TMEM170A: variants seen among roughly 807,000 people sequenced by gnomAD.
The protein encoded by TMEM170A is transmembrane protein 170A.
A neutral mutation model predicts 12.8 loss-of-function variants in TMEM170A; 18 were observed. That is an observed-to-expected ratio of 1.41 (90% CI 0.97 to 2.09). TMEM170A has a LOEUF of 2.09. TMEM170A is among the 30% of genes most tolerant of loss of function. The pLI is 0.00. For synonymous variants in TMEM170A, 107 were observed against 76.2 expected, an observed-to-expected ratio of 1.40 and a Z score of -2.11; for missense variants, 220 against 179.9, an observed-to-expected ratio of 1.22 and a Z score of -1.28.
At chr16:75,456,934 G>A (rs191993189) in intron 1 of TMEM170A, among the ~76,000 whole-genome samples, 19 of 152,224 alleles carry the variant, frequency 1.2e-4, no homozygotes, top group Admixed American at 2.6e-4. Context: ...CTTCTATCCC[G>A]AGTCCTCACG....
At chr16:75,464,265 G>A in intron 1 of TMEM170A, 9 of 1,496,478 alleles carry the variant, frequency 6.0e-6, no homozygotes, top group Non-Finnish European at 8.0e-6. Context: ...CGCCCAGCGG[G>A]ACTCCGGGGC....
At chr16:75,451,437 T>C (rs1395770770) in intron 2 of TMEM170A, 2 of 602,762 alleles carry the variant, frequency 3.3e-6, no homozygotes, top group African/African-American at 1.9e-5. Context: ...TAGTCCAAGC[T>C]TCTTGGGAGG....
At chr16:75,462,668 A>C (rs1227034558) in intron 1 of TMEM170A, among the ~76,000 whole-genome samples, 2 of 152,246 alleles carry the variant, frequency 1.3e-5, no homozygotes, top group Non-Finnish European at 2.9e-5. Context: ...GACTCTTCCA[A>C]AATGTCCATC....
At chr16:75,447,773 G>A (rs2079613782) in intron 2 of TMEM170A, 85 bp from the exon 3 acceptor site, 1 of 1,399,162 alleles carries the variant, frequency 7.1e-7, no homozygotes, top group Admixed American at 2.4e-5. Context: ...AAATACTACT[G>A]CGAGTAGAAT....
chr16:75,456,548 G>C lies in TMEM170A; in HGVS notation c.134-4709C>G, dbSNP rs915089424. 1.1e-4 allele frequency among the ~76,000 whole-genome samples: 17 copies of C among 152,270 alleles called. No homozygotes were observed. The East Asian group carries it at 3.3e-3, about 29-fold the overall frequency. ...AGTGTCAATCAGAAATTGAGGGCAG[G>C]ATTCTTGGTCCTCAGGGTTTCAGCC... On this transcript the variant is annotated intron_variant, in intron 1 of 2. Coordinates refer to ENST00000561878, the MANE Select transcript of TMEM170A (RefSeq NM_145254.3).
rs1045995360 is a variant in TMEM170A at position 75,464,465 on chromosome 16, T to C, written c.133+3A>G. On this transcript the variant is annotated splice_donor_region_variant and intron_variant, in intron 1 of 2. Coordinates refer to ENST00000561878, the MANE Select transcript of TMEM170A (RefSeq NM_145254.3). The stretch of plus-strand genomic sequence containing the variant: ...CAGTGCGCAGGCGCGGGGCGGGCCG[T>C]ACCTGGGAAGGAGCAGAGGGAAGTA... The C allele has an allele frequency of 2.7e-6, 4 of 1,500,738 alleles. No individual in the cohort carries two copies. The African/African-American group carries it at 4.4e-5, about 16-fold the overall frequency. The allele number at this position is 1,500,738 out of a possible 1,614,324, so 93.0% of individuals were successfully genotyped here. A position where few individuals can be genotyped will look rare whatever the true frequency, so the allele number is the denominator to read the frequency against.
Position 75,451,790 on chromosome 16 carries a change from AAAG to A in TMEM170A, c.180_182del (p.Phe61del). ...GGGCCAGTAATCCAGCAGGGACATG[AAAG>A]AAGAGAGAAGACACCAGTGCCCACA... On this transcript the variant is annotated inframe_deletion, in exon 2 of 3. Coordinates refer to ENST00000561878, the MANE Select transcript of TMEM170A (RefSeq NM_145254.3). 8.7e-6 allele frequency: 14 copies of A among 1,614,064 alleles called. No homozygotes were observed. The highest frequency in any genetic ancestry group is 1.1e-5 in the Non-Finnish European group (13 of 1,180,008).
intron 1 of TMEM170A, among the ~76,000 whole-genome samples, chr16:75,457,613 G>A (rs973446046): frequency 6.6e-6 from 1 of 152,176 alleles, no homozygotes; most frequent in Non-Finnish European, 1.5e-5. Flanking sequence ...TTTTGTTATG[G>A]CGGCCCATGC....
In TMEM170A at chr16:75,451,688, A is replaced by C. The variant is rs1435079313; in HGVS notation, c.285T>G (p.Ile95Met). ...SILLMGIVGP[I>M]TAGILTSAAI... ...ACATACTTGTCAAGATTCCAGCAGT[A>C]ATTGGTCCCACGATGCCCATCAACA... The change falls in exon 2 of 3, where the codon ATT (isoleucine) becomes ATG (methionine). Residue 95 changes from isoleucine to methionine, a missense_variant. Coordinates refer to ENST00000561878, the MANE Select transcript of TMEM170A (RefSeq NM_145254.3). 1.2e-6 allele frequency: 2 copies of C among 1,614,220 alleles called. No homozygotes were observed. Among genetic ancestry groups the C allele is most frequent in the South Asian group, 2.2e-5 (2 of 91,088 alleles).
At chr16:75,456,018 A>C (rs1222083025) in intron 1 of TMEM170A, among the ~76,000 whole-genome samples, 1 of 152,126 alleles carries the variant, frequency 6.6e-6, no homozygotes, top group Non-Finnish European at 1.5e-5. Context: ...CAGTTTTATG[A>C]AGGTATTTTT....
At chr16:75,464,708 C>G (rs2079968237), upstream of TMEM170A, 10 of 1,421,624 alleles carry the variant, frequency 7.0e-6, no homozygotes, top group Non-Finnish European at 9.2e-6. Context: ...CCGGGGTCCT[C>G]TTCCCCCAAT....
At chr16:75,458,123 T>G (rs966055208) in intron 1 of TMEM170A, 5 of 152,242 alleles carry the variant, frequency 3.3e-5, no homozygotes, top group African/African-American at 1.2e-4. Flanking sequence ...TCTCAAATCT[T>G]TGTCTACATA....
At chr16:75,456,263 G>A (rs1233004620) in intron 1 of TMEM170A, among the ~76,000 whole-genome samples, 1 of 151,918 alleles carries the variant, frequency 6.6e-6, no homozygotes, top group East Asian at 1.9e-4. Context: ...AAACATCAAG[G>A]ATGCCCCAAT....
rs1241905564 is a variant in TMEM170A at position 75,464,676 on chromosome 16, G to A, written c.-76C>T. The A allele has an allele frequency of 9.3e-6, 14 of 1,510,044 alleles. No homozygotes were observed. The highest frequency in any genetic ancestry group is 2.8e-5 in the East Asian group (1 of 35,922). The allele number at this position is 1,510,044 out of a possible 1,614,324, so 93.5% of individuals were successfully genotyped here. A position where few individuals can be genotyped will look rare whatever the true frequency, so the allele number is the denominator to read the frequency against. On this transcript the variant is annotated 5_prime_UTR_variant, in exon 1 of 3. Coordinates refer to ENST00000561878, the MANE Select transcript of TMEM170A (RefSeq NM_145254.3). ...TAGCGGCCGGCGCCGACTCACCCTC[G>A]CCGCCTCAGCGTCACCTCCAGCCGG...
Position 75,453,053 on chromosome 16 carries a change from G to A in TMEM170A, c.134-1214C>T, listed in dbSNP as rs150788641. Among the ~76,000 whole-genome samples, 562 of 152,088 alleles carry A rather than the reference G, an allele frequency of 3.7e-3. 2 individuals are homozygous for A. Among genetic ancestry groups the A allele is most frequent in the African/African-American group, 0.013 (541 of 41,466 alleles). ...ATAAAGCCTAACATATTTACTATCT[G>A]GCCCTTCACAGAAAAAGCTGACCAA... On this transcript the variant is annotated intron_variant, in intron 1 of 2. Coordinates refer to ENST00000561878, the MANE Select transcript of TMEM170A (RefSeq NM_145254.3).
rs1368928735 is a variant in TMEM170A at position 75,464,459 on chromosome 16, G to C, written c.133+9C>G. The C allele has an allele frequency of 6.8e-7, 1 of 1,479,678 alleles. No individual in the cohort carries two copies. Among genetic ancestry groups the C allele is most frequent in the African/African-American group, 1.5e-5 (1 of 68,066 alleles). The allele number at this position is 1,479,678 out of a possible 1,614,324, so 91.7% of individuals were successfully genotyped here. On this transcript the variant is annotated intron_variant, in intron 1 of 2. Transcript: ENST00000561878. ...GGCGCGCAGTGCGCAGGCGCGGGGC[G>C]GGCCGTACCTGGGAAGGAGCAGAGG...
At chr16:75,458,094 T>A (rs2079831970) in intron 1 of TMEM170A, among the ~76,000 whole-genome samples, 1 of 152,368 alleles carries the variant, frequency 6.6e-6, no homozygotes, top group African/African-American at 2.4e-5. Context: ...GTACTTTTCA[T>A]TTCGCTGGCT....
chr16:75,458,686 A>C (rs2079843362), intron 1 of TMEM170A: 1 of 152,220 alleles, frequency 6.6e-6, no homozygotes, highest in Admixed American at 6.5e-5. Context: ...AAGACAATAA[A>C]ATCTGTATGG....
At position 75,443,176 on chromosome 16, in the gene TMEM170A, G is replaced by C. The variant is rs1392913518; in HGVS notation, c.*4382C>G. The C allele has an allele frequency of 6.6e-6, 1 of 152,106 alleles. No homozygotes were observed. Among genetic ancestry groups the C allele is most frequent in the African/African-American group, 2.4e-5 (1 of 41,430 alleles). 9.4% of individuals were successfully genotyped at this position (152,106 alleles called of 1,614,324 possible). A position where few individuals can be genotyped will look rare whatever the true frequency, so the allele number is the denominator to read the frequency against. On this transcript the variant is annotated 3_prime_UTR_variant, in exon 3 of 3. Coordinates refer to ENST00000561878, the MANE Select transcript of TMEM170A (RefSeq NM_145254.3). ...TTAAGTTATTTAAAAAATGAAAACTGAAGTCAATTTTATTACAAAAGATTA... is the reference window on the plus strand; with the variant it reads ...TTAAGTTATTTAAAAAATGAAAACTCAAGTCAATTTTATTACAAAAGATTA...
Sources: allele counts gnomAD v4.1 joint callset (sites outside exome capture counted in the v4.1 genomes callset), GRCh38; gene constraint gnomAD v4.1.1; transcripts MANE v1.5; gene names NCBI Gene and HGNC (gene_info 2026-07-23, HGNC 2026-07-21).